Variants in CHMP4C observed in about 807,000 individuals in gnomAD.
The protein encoded by CHMP4C is SNF7 homolog associated with Alix 3.
In CHMP4C, 28 loss-of-function variants were observed where a neutral mutation model predicts 29.0. That is an observed-to-expected ratio of 0.97 (90% CI 0.72 to 1.32). The LOEUF is 1.32. Ranked by LOEUF, CHMP4C falls within the 40% of genes most tolerant of loss-of-function variation. CHMP4C has a pLI of 0.00. For missense variants in CHMP4C, 291 were observed against 281.0 expected (o/e 1.04, Z -0.25); for synonymous variants, 106 against 102.4 (o/e 1.04, Z -0.21).
chr8:81,755,405 T>C lies in CHMP4C; in HGVS notation c.404T>C (p.Ile135Thr). 6.2e-7 allele frequency: 1 copy of C among 1,611,510 alleles called. No homozygotes were observed. Residue 135 changes from isoleucine to threonine, a missense_variant, in exon 3 of 5, where the codon ATC becomes ACC. Coordinates refer to ENST00000297265, the MANE Select transcript of CHMP4C (RefSeq NM_152284.4). ...LNKIDDLMQE[I>T]TEQQDIAQEI... ...AAAATAGATGATTTGATGCAAGAGA[T>C]CACAGAGCAACAGGATATCGCCCAA...
chr8:81,739,350 T>G (rs1178552955), intron 1 of CHMP4C, among the ~76,000 whole-genome samples: 14 of 146,874 alleles, frequency 9.5e-5, no homozygotes, highest in Non-Finnish European at 2.1e-4. Flanking sequence ...TAAAATACAT[T>G]TCTTTGTGTG....
intron 1 of CHMP4C, 67 bp from the exon 2 acceptor site, chr8:81,752,997 G>A: frequency 7.2e-7 from 1 of 1,397,798 alleles, no homozygotes; most frequent in South Asian, 1.4e-5. Flanking sequence ...TAGTGGTGCT[G>A]AGCAAACATC....
chr8:81,746,848 C>T (rs1025807402), intron 1 of CHMP4C, among the ~76,000 whole-genome samples: 1 of 152,182 alleles, frequency 6.6e-6, no homozygotes, highest in Non-Finnish European at 1.5e-5. Flanking sequence ...ATGAGAGTCC[C>T]ACCATGTGGT....
chr8:81,758,055 G>T lies in CHMP4C; in HGVS notation c.484-87G>T. On this transcript the variant is annotated intron_variant, in intron 3 of 4. Transcript: ENST00000297265. The stretch of plus-strand genomic sequence containing the variant: ...TTCACTGGGTTCTCACATATCAATT[G>T]GGTAGCAGATGTTCTTGTTATTGTG... 2.5e-6 allele frequency: 3 copies of T among 1,209,308 alleles called. No individual in the cohort carries two copies. In the African/African-American group the frequency reaches 4.5e-5, roughly 18 times the overall value. The allele number at this position is 1,209,308 out of a possible 1,614,324, so 74.9% of individuals were successfully genotyped here.
intron 1 of CHMP4C, among the ~76,000 whole-genome samples, chr8:81,744,017 C>G (rs1431595604): frequency 6.6e-6 from 1 of 152,138 alleles, no homozygotes; most frequent in African/African-American, 2.4e-5. Flanking sequence ...CTTAGAATAT[C>G]TCTTATTTAC....
At chr8:81,744,514 A>G (rs1808799788) in intron 1 of CHMP4C, among the ~76,000 whole-genome samples, 1 of 152,182 alleles carries the variant, frequency 6.6e-6, no homozygotes, top group African/African-American at 2.4e-5. Flanking sequence ...CTCACCGAGT[A>G]AGGCCTGTTG....
intron 1 of CHMP4C, among the ~76,000 whole-genome samples, chr8:81,752,385 A>G (rs1286281764): frequency 1.3e-5 from 2 of 152,118 alleles, no homozygotes; most frequent in Non-Finnish European, 2.9e-5. Flanking sequence ...AAGTTAGGTT[A>G]TCTTGTTAAA....
At chr8:81,745,524 C>A (rs1458880025) in intron 1 of CHMP4C, among the ~76,000 whole-genome samples, 1 of 152,178 alleles carries the variant, frequency 6.6e-6, no homozygotes, top group African/African-American at 2.4e-5. Context: ...AATTGAAACT[C>A]TTTTCTGCTA....
chr8:81,754,579 A>T (rs980172023), intron 2 of CHMP4C, among the ~76,000 whole-genome samples: 4 of 152,144 alleles, frequency 2.6e-5, no homozygotes, highest in Admixed American at 2.6e-4. Context: ...GGACATTGTC[A>T]GTTCTCTTAT....
chr8:81,733,306 T>C (rs1808643608), intron 1 of CHMP4C, among the ~76,000 whole-genome samples: 1 of 152,194 alleles, frequency 6.6e-6, no homozygotes, highest in Non-Finnish European at 1.5e-5. Context: ...TTACTGAGTG[T>C]TTTCGCACCC....
intron 1 of CHMP4C, among the ~76,000 whole-genome samples, chr8:81,735,372 C>T (rs186871475): frequency 3.1e-4 from 47 of 152,282 alleles, no homozygotes; most frequent in Non-Finnish European, 5.1e-4. Context: ...GTTGGTAACA[C>T]GCTCAATATC....
rs1350869181 is a variant in CHMP4C, at chr8:81,758,300, G to A, written c.637+5G>A. ...CTGCACGTCGATCCCGAGCAGGTCT[G>A]TTACCCAGCTCAACTACATGTGGTC... is the stretch of plus-strand genomic sequence containing the variant. On this transcript the variant is annotated splice_donor_5th_base_variant and intron_variant, in intron 4 of 4. Coordinates refer to ENST00000297265, the MANE Select transcript of CHMP4C (RefSeq NM_152284.4). 1.2e-6 allele frequency: 2 copies of A among 1,613,682 alleles called. No homozygotes were observed. Among genetic ancestry groups the A allele is most frequent in the Non-Finnish European group, 1.7e-6 (2 of 1,179,852 alleles).
chr8:81,753,271 T>C (rs778577299), intron 2 of CHMP4C, 30 bp downstream of exon 2: 19 of 1,548,426 alleles, frequency 1.2e-5, no homozygotes, highest in Non-Finnish European at 1.6e-5. Flanking sequence ...CTCTGAATCA[T>C]AAATTCCCTC....
chr8:81,736,568 A>C (rs548282833), intron 1 of CHMP4C, among the ~76,000 whole-genome samples: 23 of 152,278 alleles, frequency 1.5e-4, no homozygotes, highest in Non-Finnish European at 2.2e-4. Context: ...CTAGGTGTGT[A>C]ATTAACTTAA....
chr8:81,737,372 G>T (rs945001838), intron 1 of CHMP4C, among the ~76,000 whole-genome samples: 2 of 152,060 alleles, frequency 1.3e-5, no homozygotes, highest in African/African-American at 4.8e-5. Flanking sequence ...TTAATGAGAT[G>T]GAAAAACAAG....
At chr8:81,745,676 C>T (rs1808813686) in intron 1 of CHMP4C, among the ~76,000 whole-genome samples, 1 of 152,172 alleles carries the variant, frequency 6.6e-6, no homozygotes, top group Non-Finnish European at 1.5e-5. Flanking sequence ...AGTAAGGACT[C>T]TTCACGTATC....
intron 1 of CHMP4C, among the ~76,000 whole-genome samples, chr8:81,740,216 C>T (rs866131535): frequency 6.6e-6 from 1 of 152,192 alleles, no homozygotes; most frequent in East Asian, 1.9e-4. Context: ...TCCGCTGAGG[C>T]GGCAGTCCCC....
chr8:81,748,092 A>T (rs966776156), intron 1 of CHMP4C, among the ~76,000 whole-genome samples: 1 of 152,132 alleles, frequency 6.6e-6, no homozygotes, highest in Admixed American at 6.5e-5. Context: ...GGGATATTCC[A>T]TGCTGAGAAA....
intron 1 of CHMP4C, among the ~76,000 whole-genome samples, chr8:81,742,685 T>C (rs1808775968): frequency 6.6e-6 from 1 of 152,192 alleles, no homozygotes; most frequent in Admixed American, 6.5e-5. Flanking sequence ...ATTTACATTA[T>C]CATTTCTTTC....
Sources: allele counts gnomAD v4.1 joint callset (sites outside exome capture counted in the v4.1 genomes callset), GRCh38; gene constraint gnomAD v4.1.1; transcripts MANE v1.5; gene names NCBI Gene and HGNC (gene_info 2026-07-23, HGNC 2026-07-21).